The following NF1 variants were observed in gnomAD, a reference collection of about 807,000 sequenced individuals.
NF1 encodes neurofibromin.
Under a neutral mutation model 325.7 loss-of-function variants are expected in NF1, and 122 were observed. The observed-to-expected ratio is 0.37, with a 90% CI of 0.32 to 0.44. The LOEUF is 0.44. Ranked by LOEUF, NF1 falls within the 20% of genes least tolerant of loss-of-function variation. NF1 has a pLI of 1.00. For missense variants in NF1, 2,140 were observed against 3,415.4 expected (o/e 0.63, Z 9.31); for synonymous variants, 1,091 against 1,186.0 (o/e 0.92, Z 1.65).
chr17:31,120,932 C>A (rs1914371263), intron 1 of NF1, among the ~76,000 whole-genome samples: 1 of 152,090 alleles, frequency 6.6e-6, no homozygotes, highest in African/African-American at 2.4e-5. Flanking sequence ...CCCAAAAATT[C>A]TTTCAGAAAC....
intron 10 of NF1, 48 bp from the exon 11 acceptor site, chr17:31,201,359 CTGAG>C (rs982639835): frequency 5.9e-6 from 9 of 1,516,154 alleles, no homozygotes; most frequent in South Asian, 1.2e-5. Context: ...ATTTGTATTA[CTGAG>C]TATTTTTCTC....
chr17:31,192,714 C>T (rs1025884398), intron 8 of NF1, among the ~76,000 whole-genome samples: 1 of 152,128 alleles, frequency 6.6e-6, no homozygotes, highest in African/African-American at 2.4e-5. Flanking sequence ...AGACTTTGCA[C>T]GGCAAATTTC....
At chr17:31,149,184 C>T (rs532431123) in intron 1 of NF1, among the ~76,000 whole-genome samples, 1 of 151,368 alleles carries the variant, frequency 6.6e-6, no homozygotes, top group Non-Finnish European at 1.5e-5. Context: ...TTTGGTTTTA[C>T]GTTACATTTT....
rs1597722516 is a variant in NF1, at chr17:31,235,676, G to C, written c.3774G>C (p.Trp1258Cys). The C allele has an allele frequency of 6.2e-7, 1 of 1,614,036 alleles. No individual in the cohort carries two copies. The highest frequency in any genetic ancestry group is 8.5e-7 in the Non-Finnish European group (1 of 1,179,992). The change falls in exon 28 of 58, where the codon TGG becomes TGC. Residue 1258 changes from tryptophan to cysteine, a missense_variant. By Grantham distance (215) the Trp-to-Cys change is radical. Around this residue, in one of 10 missense-constraint regions of NF1, gnomAD observed 336 missense variants for 399.0 expected, o/e 0.84. Coordinates refer to ENST00000358273, the MANE Select transcript of NF1 (RefSeq NM_001042492.3). ...GGCATTTACTCTACCAACTGCTCTG[G>C]AACATGTTTTCTAAAGAAGTAGAAT... ...DSRHLLYQLLWNMFSKEVELA... is the reference protein window; with the variant it reads ...DSRHLLYQLLCNMFSKEVELA...
intron 1 of NF1, among the ~76,000 whole-genome samples, chr17:31,155,443 C>G (rs2143620406): frequency 6.6e-6 from 1 of 152,158 alleles, no homozygotes; most frequent in East Asian, 1.9e-4. Context: ...GTTTTTTCCC[C>G]AGGTTTTATA....
At chr17:31,247,357 G>A (rs2067412991) in intron 29 of NF1, among the ~76,000 whole-genome samples, 1 of 152,140 alleles carries the variant, frequency 6.6e-6, no homozygotes, top group South Asian at 2.1e-4. Context: ...GGAAAAATCA[G>A]TTAATTTGGG....
chr17:31,356,348 A>T, intron 51 of NF1, 112 bp from the exon 52 acceptor site: 1 of 1,082,680 alleles, frequency 9.2e-7, no homozygotes, highest in South Asian at 1.3e-5. Context: ...GCTTTCTTTG[A>T]GTCCTCAGTG....
At chr17:31,263,120 TAGATA>T (rs71142039) in intron 35 of NF1, among the ~76,000 whole-genome samples, 1,044 of 95,748 alleles carry the variant, frequency 0.011, 31 homozygotes, top group Admixed American at 0.077. Flanking sequence ...GATAGATAGA[TAGATA>T]AGATAAGATA....
intron 18 of NF1, 83 bp from the exon 19 acceptor site, chr17:31,227,135 C>A (rs2067028385): frequency 7.1e-7 from 1 of 1,411,816 alleles, no homozygotes; most frequent in Non-Finnish European, 1.0e-6. Flanking sequence ...CTTCCTACTC[C>A]TTTTGGGTGG....
Position 31,374,450 on chromosome 17 carries a change from A to C in NF1, c.*295A>C. On this transcript the variant is annotated 3_prime_UTR_variant, in exon 58 of 58. Coordinates refer to ENST00000358273, the MANE Select transcript of NF1 (RefSeq NM_001042492.3). Reference sequence around the variant, plus strand: ...AGGAAACTTTTAACTGAGAAATCTCAATTGTAAGAGAGGATGAATTCTTGA... The same window carrying C: ...AGGAAACTTTTAACTGAGAAATCTCCATTGTAAGAGAGGATGAATTCTTGA... 1 of 477,456 alleles carries C rather than the reference A, an allele frequency of 2.1e-6. No homozygotes were observed. Among genetic ancestry groups the C allele is most frequent in the African/African-American group, 1.9e-5 (1 of 51,894 alleles). 29.6% of individuals were successfully genotyped at this position (477,456 alleles called of 1,614,324 possible). A position where few individuals can be genotyped will look rare whatever the true frequency, so the allele number is the denominator to read the frequency against.
intron 48 of NF1, among the ~76,000 whole-genome samples, chr17:31,346,807 A>C (rs1044257019): frequency 2.7e-5 from 4 of 149,208 alleles, no homozygotes; most frequent in African/African-American, 9.8e-5. Flanking sequence ...TCCTGGGATG[A>C]AAGAATTTGG....
intron 5 of NF1, among the ~76,000 whole-genome samples, chr17:31,177,985 A>C (rs1300399197): frequency 6.6e-6 from 1 of 152,184 alleles, no homozygotes; most frequent in Non-Finnish European, 1.5e-5. Context: ...CTAGCAAGGC[A>C]GGCCAACATT....
intron 1 of NF1, among the ~76,000 whole-genome samples, chr17:31,142,143 C>T (rs191465181): frequency 1.1e-4 from 16 of 152,226 alleles, no homozygotes; most frequent in Non-Finnish European, 1.0e-4. Flanking sequence ...AATGTTATGC[C>T]TTCTTTTGCT....
chr17:31,367,206 T>C (rs779731598), intron 57 of NF1: 1 of 1,305,040 alleles, frequency 7.7e-7, no homozygotes, highest in South Asian at 1.2e-5. Context: ...TGCTTTTTTT[T>C]CTTCCATTCT....
At chr17:31,148,707 G>A (rs1472057517) in intron 1 of NF1, among the ~76,000 whole-genome samples, 1 of 151,822 alleles carries the variant, frequency 6.6e-6, no homozygotes, top group Non-Finnish European at 1.5e-5. Flanking sequence ...GTTTTTAGAG[G>A]CACTAGGAGT....
chr17:31,344,341 C>A (rs965528585), intron 48 of NF1, among the ~76,000 whole-genome samples: 2 of 152,150 alleles, frequency 1.3e-5, no homozygotes, highest in African/African-American at 4.8e-5. Context: ...AACTTTGGTT[C>A]ATTAACATGG....
intron 1 of NF1, chr17:31,133,794 C>G (rs1413337050): frequency 6.6e-6 from 1 of 152,182 alleles, no homozygotes; most frequent in African/African-American, 2.4e-5. Context: ...GTAGCTGGGA[C>G]TACTGGCACC....
chr17:31,137,653 C>T (rs1027390867), intron 1 of NF1: 6 of 151,882 alleles, frequency 4.0e-5, no homozygotes, highest in South Asian at 4.1e-4. Flanking sequence ...TTGCTTGTCT[C>T]CTGTGTTGAT....
intron 13 of NF1, among the ~76,000 whole-genome samples, chr17:31,215,005 CCTTT>C (rs1249271236): frequency 6.6e-6 from 1 of 152,100 alleles, no homozygotes; most frequent in Non-Finnish European, 1.5e-5. Flanking sequence ...TTTCTATCCC[CCTTT>C]CTTTGTGTTA....
Sources: gnomAD v4.1 joint callset for allele counts (sites outside exome capture counted in the v4.1 genomes callset) on GRCh38, gnomAD v4.1.1 for gene constraint, gnomAD v4.1.1 regional missense constraint, MANE v1.5 for transcripts, NCBI Gene and HGNC (gene_info 2026-07-23, HGNC 2026-07-21) for gene names.